KLRG1: variants seen among roughly 807,000 people sequenced by gnomAD.
The protein encoded by KLRG1 is killer cell lectin-like receptor subfamily G member 1.
Under a neutral mutation model 21.8 loss-of-function variants are expected in KLRG1, and 16 were observed. The observed-to-expected ratio is 0.73, with a 90% CI of 0.50 to 1.11. The LOEUF (loss-of-function observed/expected upper bound fraction) is 1.11. Among genes scored for constraint, KLRG1 ranks in the 50% most tolerant of loss-of-function variants. The pLI is 0.00. For synonymous variants in KLRG1, 69 were observed against 75.9 expected (o/e 0.91, Z 0.47); for missense variants, 173 against 218.3 (o/e 0.79, Z 1.31).
the KLRG1 span, chr12:9,104,152 A>T: frequency 7.4e-7 from 1 of 1,354,590 alleles, no homozygotes; most frequent in Non-Finnish European, 1.0e-6. Context: ...ATAGAACTAG[A>T]CACAGTTTGG....
the KLRG1 span, among the ~76,000 whole-genome samples, chr12:9,103,067 T>C: frequency 6.6e-6 from 1 of 152,202 alleles, no homozygotes; most frequent in African/African-American, 2.4e-5. Context: ...CTTATATTGG[T>C]ATGAACAGGT....
the KLRG1 span, chr12:9,070,460 G>T: frequency 4.8e-6 from 7 of 1,466,478 alleles, no homozygotes; most frequent in Non-Finnish European, 6.7e-6. Flanking sequence ...AAATAAAATA[G>T]GGCAGTCTGG....
the KLRG1 span, chr12:9,074,752 T>C: frequency 6.2e-7 from 1 of 1,613,450 alleles, no homozygotes; most frequent in Non-Finnish European, 8.5e-7. Flanking sequence ...GTGCCTTGGG[T>C]TTCTGAGGGC....
chr12:9,166,633 C>T, the KLRG1 span, among the ~76,000 whole-genome samples: 1 of 152,158 alleles, frequency 6.6e-6, no homozygotes. Flanking sequence ...TAATGATTTA[C>T]ATTAAATTAC....
the KLRG1 span, among the ~76,000 whole-genome samples, chr12:9,164,735 T>A: frequency 6.6e-6 from 1 of 152,192 alleles, no homozygotes; most frequent in African/African-American, 2.4e-5. Flanking sequence ...TATTACATAA[T>A]TTACAAAGAG....
At chr12:9,160,950 T>C in the KLRG1 span, 8 of 1,180,146 alleles carry the variant, frequency 6.8e-6, no homozygotes, top group African/African-American at 1.5e-5. Context: ...ATCAAGAACT[T>C]GATAATTCAA....
intron 1 of KLRG1, among the ~76,000 whole-genome samples, chr12:8,967,049 G>A (rs80252129): frequency 0.35 from 49,979 of 144,410 alleles, 9,070 homozygotes; most frequent in South Asian, 0.43. Flanking sequence ...CATGGATGAA[G>A]CTGGAAACCA....
chr12:9,068,711 A>T, the KLRG1 span: 1 of 1,511,980 alleles, frequency 6.6e-7, no homozygotes, highest in Non-Finnish European at 9.1e-7. Context: ...GGAATTAAAT[A>T]TTTCTACGTG....
At chr12:9,097,051 TTTA>T in the KLRG1 span, among the ~76,000 whole-genome samples, 3 of 152,208 alleles carry the variant, frequency 2.0e-5, no homozygotes, top group Non-Finnish European at 4.4e-5. Context: ...AAGCTTCTGC[TTTA>T]TTATTAATAA....
chr12:9,135,335 C>G, the KLRG1 span: 62 of 312,242 alleles, frequency 2.0e-4, 3 homozygotes, highest in African/African-American at 1.3e-3. Flanking sequence ...ACCGAGCAGT[C>G]AGGAGCTGTT....
the KLRG1 span, among the ~76,000 whole-genome samples, chr12:9,082,036 G>A: frequency 6.6e-6 from 1 of 152,176 alleles, no homozygotes; most frequent in Non-Finnish European, 1.5e-5. Context: ...CAGAGGTTAT[G>A]CCAGTGACCC....
the KLRG1 span, chr12:9,106,369 T>C: frequency 1.3e-6 from 2 of 1,544,890 alleles, no homozygotes. Context: ...AAAAAATCTG[T>C]TATTTTTGGG....
the KLRG1 span, among the ~76,000 whole-genome samples, chr12:9,019,822 A>C: frequency 6.6e-6 from 1 of 151,662 alleles, no homozygotes; most frequent in African/African-American, 2.4e-5. Flanking sequence ...CTGGGCTTAC[A>C]CAGTCCTCTT....
the KLRG1 span, chr12:9,112,593 A>G: frequency 3.1e-6 from 5 of 1,592,784 alleles, no homozygotes; most frequent in Non-Finnish European, 4.3e-6. Flanking sequence ...CTCCTCCCCT[A>G]TTTGCTGTTG....
At chr12:9,194,228 A>C in the KLRG1 span, 1 of 1,613,910 alleles carries the variant, frequency 6.2e-7, no homozygotes, top group African/African-American at 1.3e-5. Context: ...TTTTCCATCC[A>C]CCAGAAGCAC....
the KLRG1 span, among the ~76,000 whole-genome samples, chr12:9,102,287 C>A: frequency 2.0e-5 from 3 of 152,248 alleles, no homozygotes; most frequent in South Asian, 6.2e-4. Flanking sequence ...ACAATCTTGG[C>A]TCAGTGCAAT....
At chr12:9,160,175 A>G in the KLRG1 span, 5 of 1,104,600 alleles carry the variant, frequency 4.5e-6, no homozygotes, top group African/African-American at 6.3e-5. Context: ...GATCAAACAC[A>G]ACATCCTATT....
At chr12:9,076,869 T>C in the KLRG1 span, 2 of 1,613,430 alleles carry the variant, frequency 1.2e-6, no homozygotes, top group African/African-American at 2.7e-5. Context: ...ATGGCTGCCA[T>C]GGTCCCCTTC....
the KLRG1 span, among the ~76,000 whole-genome samples, chr12:9,021,763 T>C: frequency 6.6e-6 from 1 of 152,136 alleles, no homozygotes; most frequent in South Asian, 2.1e-4. Flanking sequence ...AGGGTCAGGA[T>C]CATCAGTATC....
Sources: gnomAD v4.1 joint callset for allele counts (sites outside exome capture counted in the v4.1 genomes callset) on GRCh38, gnomAD v4.1.1 for gene constraint, MANE v1.5 for transcripts, NCBI Gene and HGNC (gene_info 2026-07-23, HGNC 2026-07-21) for gene names.